BMERB1: variants seen among roughly 807,000 people sequenced by gnomAD.
BMERB1 encodes the protein bMERB domain-containing protein 1.
A neutral mutation model predicts 23.6 loss-of-function variants in BMERB1; 12 were observed. That is an observed-to-expected ratio of 0.51 (90% confidence interval 0.33 to 0.82). BMERB1 has a LOEUF of 0.82. Ranked by LOEUF, BMERB1 falls within the 40% of genes least tolerant of loss-of-function variation. BMERB1 has a pLI of 0.03. For synonymous variants in BMERB1, 122 were observed against 96.6 expected, an observed-to-expected ratio of 1.26 and a Z score of -1.54; for missense variants, 247 against 255.4, an observed-to-expected ratio of 0.97 and a Z score of 0.22.
chr16:15,446,286 C>G (rs2050988597), intron 1 of BMERB1, among the ~76,000 whole-genome samples: 1 of 151,970 alleles, frequency 6.6e-6, no homozygotes, highest in Non-Finnish European at 1.5e-5. Flanking sequence ...GTCCTAGCTA[C>G]CCGGGGGCTG....
At chr16:15,434,842 A>C in intron 1 of BMERB1, 83 bp downstream of exon 1, 10 of 1,238,300 alleles carry the variant, frequency 8.1e-6, no homozygotes, top group East Asian at 2.5e-5. Context: ...AGCGCGAGGA[A>C]CGCCAGCAGT....
intron 1 of BMERB1, among the ~76,000 whole-genome samples, chr16:15,487,162 T>C (rs781256473): frequency 2.0e-5 from 3 of 152,208 alleles, no homozygotes; most frequent in African/African-American, 7.2e-5. Flanking sequence ...ATAATTTGAA[T>C]TCATATTATT....
At chr16:15,564,426 T>G (rs1248615831) in intron 2 of BMERB1, among the ~76,000 whole-genome samples, 1 of 152,218 alleles carries the variant, frequency 6.6e-6, no homozygotes, top group Non-Finnish European at 1.5e-5. Context: ...AAATAAGAGA[T>G]AATCACTTCA....
chr16:15,460,692 C>T (rs935834514), intron 1 of BMERB1, among the ~76,000 whole-genome samples: 4 of 152,136 alleles, frequency 2.6e-5, no homozygotes, highest in Non-Finnish European at 4.4e-5. Context: ...ATTGGCTGAA[C>T]GTTAATTAGT....
chr16:15,448,042 A>G (rs2051005906), intron 1 of BMERB1: 1 of 389,688 alleles, frequency 2.6e-6, no homozygotes, highest in African/African-American at 2.1e-5. Flanking sequence ...GGTACCCGCC[A>G]CCATGCCCAG....
At chr16:15,494,190 G>T (rs935972291) in intron 1 of BMERB1, among the ~76,000 whole-genome samples, 1 of 152,116 alleles carries the variant, frequency 6.6e-6, no homozygotes, top group African/African-American at 2.4e-5. Context: ...AAGATTTGTT[G>T]TTTATGCAAT....
chr16:15,492,725 C>G (rs1251280098), intron 1 of BMERB1, among the ~76,000 whole-genome samples: 1 of 151,914 alleles, frequency 6.6e-6, no homozygotes, highest in Admixed American at 6.6e-5. Flanking sequence ...TTGAGACCAG[C>G]TTCACCAACA....
chr16:15,581,298 TC>T lies in BMERB1; in HGVS notation c.388del (p.Leu130TrpfsTer10), dbSNP rs753437093. The stretch of plus-strand genomic sequence containing the variant: ...CACAAACTGGTGCAGAAGAGAGACT[TC>T]CTGGTGGACGATGCGGAGGTCGAGC... ...KIHKLVQKRD[F>X]LVDDAEVERL... On this transcript the variant is annotated frameshift_variant, in exon 4 of 6. Coordinates refer to ENST00000300006, the MANE Select transcript of BMERB1 (RefSeq NM_033201.3). LOFTEE classifies it high-confidence loss of function. 6.2e-7 allele frequency: 1 copy of T among 1,614,092 alleles called. No individual in the cohort carries two copies. Among genetic ancestry groups the T allele is most frequent in the Non-Finnish European group, 8.5e-7 (1 of 1,179,984 alleles).
intron 1 of BMERB1, among the ~76,000 whole-genome samples, chr16:15,508,801 G>A (rs2051622805): frequency 6.9e-6 from 1 of 145,544 alleles, no homozygotes; most frequent in South Asian, 2.2e-4. Flanking sequence ...AATCCAGCCT[G>A]GAAGACAGAG....
intron 1 of BMERB1, among the ~76,000 whole-genome samples, chr16:15,469,110 C>A (rs889196618): frequency 6.6e-6 from 1 of 151,598 alleles, no homozygotes; most frequent in Non-Finnish European, 1.5e-5. Flanking sequence ...ACTACAAGTG[C>A]GTGCCACCAC....
chr16:15,450,628 G>C (rs563701727), intron 1 of BMERB1, among the ~76,000 whole-genome samples: 2 of 152,222 alleles, frequency 1.3e-5, no homozygotes, highest in East Asian at 1.9e-4. Context: ...AAGCCACCAT[G>C]CCTGGCTAAT....
At chr16:15,522,588 AT>A (rs1018382100) in intron 2 of BMERB1, among the ~76,000 whole-genome samples, 118 of 152,262 alleles carry the variant, frequency 7.7e-4, no homozygotes, top group African/African-American at 2.8e-3. Flanking sequence ...CATAGCCTTT[AT>A]TTTATAGATG....
At chr16:15,529,924 C>T (rs955517692) in intron 2 of BMERB1, among the ~76,000 whole-genome samples, 1 of 152,188 alleles carries the variant, frequency 6.6e-6, no homozygotes, top group Non-Finnish European at 1.5e-5. Flanking sequence ...TCTTACAGTT[C>T]TGGAGGCTGG....
chr16:15,533,056 C>T (rs1346708708), intron 2 of BMERB1: 7 of 455,332 alleles, frequency 1.5e-5, no homozygotes, highest in South Asian at 1.1e-4. Flanking sequence ...AATAGCCATG[C>T]ATCCAGTATC....
chr16:15,584,226 G>T (rs2031085169), intron 5 of BMERB1: 7 of 577,744 alleles, frequency 1.2e-5, no homozygotes, highest in Non-Finnish European at 2.2e-5. Flanking sequence ...TCTCAAATGT[G>T]TTTAACTGCT....
chr16:15,488,224 G>T (rs2051384003), intron 1 of BMERB1, among the ~76,000 whole-genome samples: 1 of 152,130 alleles, frequency 6.6e-6, no homozygotes, highest in Admixed American at 6.6e-5. Context: ...TTCTAATAAA[G>T]CTTTATTTAT....
intron 1 of BMERB1, among the ~76,000 whole-genome samples, chr16:15,500,508 C>T (rs2051517570): frequency 6.6e-6 from 1 of 152,070 alleles, no homozygotes; most frequent in South Asian, 2.1e-4. Flanking sequence ...TGGAGAAACA[C>T]CTCAGGGAGA....
intron 1 of BMERB1, among the ~76,000 whole-genome samples, chr16:15,510,974 T>C (rs940133500): frequency 2.6e-5 from 4 of 152,116 alleles, no homozygotes; most frequent in South Asian, 2.1e-4. Flanking sequence ...AGTGCTGGGA[T>C]TACAGGCGTG....
intron 1 of BMERB1, among the ~76,000 whole-genome samples, chr16:15,476,442 C>T (rs975961361): frequency 2.6e-5 from 4 of 152,206 alleles, no homozygotes; most frequent in Non-Finnish European, 4.4e-5. Flanking sequence ...GGATTACAGG[C>T]GTGAGCCCCT....
Sources: allele counts gnomAD v4.1 joint callset (sites outside exome capture counted in the v4.1 genomes callset), GRCh38; gene constraint gnomAD v4.1.1; transcripts MANE v1.5; gene names NCBI Gene and HGNC (gene_info 2026-07-23, HGNC 2026-07-21).